RAP1A: variants seen among roughly 807,000 people sequenced by gnomAD.
The protein encoded by RAP1A is RAP1A, member of RAS oncogene family.
Under a neutral mutation model 26.4 loss-of-function variants are expected in RAP1A, and 6 were observed. The ratio of observed to expected loss-of-function variants is 0.23; its 90% confidence interval spans 0.12 to 0.45. The LOEUF (loss-of-function observed/expected upper bound fraction) is 0.45, where lower values mean the gene tolerates loss of function less well. Among genes scored for constraint, RAP1A ranks in the 20% least tolerant of loss-of-function variants. The probability of loss-of-function intolerance (pLI) is 0.99; values close to 1 mark genes in which losing one functional copy is unlikely to be tolerated. For missense variants in RAP1A, 121 were observed against 217.2 expected, an observed-to-expected ratio of 0.56 and a Z score of 2.78; for synonymous variants, 73 against 79.4, an observed-to-expected ratio of 0.92 and a Z score of 0.43.
intron 1 of RAP1A, among the ~76,000 whole-genome samples, chr1:111,671,266 A>G (rs13376550): frequency 0.14 from 20,804 of 152,036 alleles, 2,085 homozygotes; most frequent in African/African-American, 0.29. Flanking sequence ...CCCAACTAAA[A>G]CATACTGTTG....
Position 111,691,321 on chromosome 1 carries a change from G to T in RAP1A, c.-27-13G>T, listed in dbSNP as rs1203151013. On this transcript the variant is annotated splice_polypyrimidine_tract_variant and intron_variant, in intron 1 of 7. Transcript: ENST00000369709. ...ATGTTTCTTAATCTTTGATTTTTTT[G>T]TTTGTTTTTCAGATCGTCAGTATTT... 2.6e-6 allele frequency: 4 copies of T among 1,562,958 alleles called. No individual in the cohort carries two copies. Among genetic ancestry groups the T allele is most frequent in the South Asian group, 2.2e-5 (2 of 88,922 alleles).
chr1:111,612,583 T>G (rs543172506), intron 1 of RAP1A, among the ~76,000 whole-genome samples: 5 of 152,298 alleles, frequency 3.3e-5, no homozygotes, highest in African/African-American at 1.2e-4. Context: ...GCTGAAAATA[T>G]AGAAACTGTT....
At chr1:111,690,776 C>T (rs1217919849) in intron 1 of RAP1A, among the ~76,000 whole-genome samples, 4 of 152,146 alleles carry the variant, frequency 2.6e-5, no homozygotes, top group African/African-American at 7.2e-5. Flanking sequence ...GGCCTTATGG[C>T]GTATATTGCT....
rs531160274 is a variant in RAP1A, at chr1:111,542,616, T to C, written c.-28+107T>C. 1.9e-4 allele frequency: 30 copies of C among 153,890 alleles called. No homozygotes were observed. The East Asian group carries it at 5.6e-3, about 28-fold the overall frequency. The allele number at this position is 153,890 out of a possible 1,614,324, so 9.5% of individuals were successfully genotyped here. A position where few individuals can be genotyped will look rare whatever the true frequency, so the allele number is the denominator to read the frequency against. On this transcript the variant is annotated intron_variant, in intron 1 of 7. Coordinates refer to the RAP1A transcript ENST00000356415. ...CTGTAAAGGGAGCATTTCTCTTATG[T>C]GCAAACTAACCATAGTGGACATGTT...
rs78207490 is a variant in RAP1A, at chr1:111,660,549, A to T, written c.-27-30785A>T. Reference sequence around the variant, plus strand: ...AAGTTAACCAATTCTTACTACCTGCACTGCTACTCCTTTGGTCAACATTCC... The same window carrying T: ...AAGTTAACCAATTCTTACTACCTGCTCTGCTACTCCTTTGGTCAACATTCC... On this transcript the variant is annotated intron_variant, in intron 1 of 7. Transcript: ENST00000369709. 7.0e-3 allele frequency among the ~76,000 whole-genome samples: 1,068 copies of T among 152,182 alleles called. 12 individuals are homozygous for T. The highest frequency in any genetic ancestry group is 0.023 in the African/African-American group (970 of 41,496).
At chr1:111,641,853 T>C (rs1156987208) in intron 1 of RAP1A, among the ~76,000 whole-genome samples, 2 of 152,348 alleles carry the variant, frequency 1.3e-5, no homozygotes, top group Admixed American at 6.5e-5. Flanking sequence ...ACCACACTGA[T>C]GCTAGAGCCA....
chr1:111,556,900 A>ATT (rs1657513043), intron 1 of RAP1A, among the ~76,000 whole-genome samples: 1 of 122,454 alleles, frequency 8.2e-6, no homozygotes, highest in African/African-American at 3.0e-5. Context: ...TACATTTTAC[A>ATT]TTATATATAT....
intron 1 of RAP1A, among the ~76,000 whole-genome samples, chr1:111,681,026 C>T (rs939256966): frequency 2.6e-5 from 4 of 152,178 alleles, no homozygotes; most frequent in Non-Finnish European, 4.4e-5. Flanking sequence ...GCAGACGGAT[C>T]GTGAGGTCAG....
intron 1 of RAP1A, among the ~76,000 whole-genome samples, chr1:111,568,116 C>T (rs1326715071): frequency 6.6e-6 from 1 of 152,210 alleles, no homozygotes; most frequent in Non-Finnish European, 1.5e-5. Context: ...TTCCTTCCTT[C>T]TCACACCTTA....
chr1:111,619,907 GA>G lies in RAP1A; in HGVS notation c.-54del. The G allele has an allele frequency of 2.5e-6, 1 of 398,580 alleles. No individual in the cohort carries two copies. The highest frequency in any genetic ancestry group is 6.3e-4 in the Middle Eastern group (1 of 1,594). 24.7% of individuals were successfully genotyped at this position (398,580 alleles called of 1,614,324 possible). ...GGAGGAGGAGGTGGAGGAGGTGGAG[GA>G]GGTGGAGGAGGCGCCGGACCGGGGG... On this transcript the variant is annotated 5_prime_UTR_variant, in exon 1 of 8. Coordinates refer to ENST00000369709, the MANE Select transcript of RAP1A (RefSeq NM_002884.4).
chr1:111,662,183 C>T (rs887936102), intron 1 of RAP1A, among the ~76,000 whole-genome samples: 5 of 152,000 alleles, frequency 3.3e-5, no homozygotes, highest in Admixed American at 6.6e-5. Flanking sequence ...ATCATGAGGT[C>T]AGGAGATTGA....
chr1:111,692,945 G>C (rs1214449626), intron 2 of RAP1A, among the ~76,000 whole-genome samples: 2 of 152,106 alleles, frequency 1.3e-5, no homozygotes, highest in Non-Finnish European at 2.9e-5. Context: ...GTGCCTTTTT[G>C]AATTTAGTCC....
intron 1 of RAP1A, among the ~76,000 whole-genome samples, chr1:111,602,627 A>C (rs1188616316): frequency 6.6e-6 from 1 of 152,180 alleles, no homozygotes; most frequent in African/African-American, 2.4e-5. Flanking sequence ...CTACTGCTCT[A>C]ACCTTTTCAA....
intron 1 of RAP1A, chr1:111,680,895 C>G (rs1457809334): frequency 6.6e-6 from 1 of 152,208 alleles, no homozygotes; most frequent in Non-Finnish European, 1.5e-5. Flanking sequence ...TCCAAAGGTC[C>G]TCAGCACAAA....
rs532432954 is a variant in RAP1A, at chr1:111,563,754, C to G, written c.-28+21245C>G. ...AAAGCATTGATTAAGTAGCTTGCCCCATATCATGAATAAATGTTCCAAAGT... is the reference window on the plus strand; with the variant it reads ...AAAGCATTGATTAAGTAGCTTGCCCGATATCATGAATAAATGTTCCAAAGT... On this transcript the variant is annotated intron_variant, in intron 1 of 7. Transcript: ENST00000356415. 7 of 875,142 alleles carry G rather than the reference C, an allele frequency of 8.0e-6. No individual in the cohort carries two copies. The South Asian group carries it at 1.0e-4, about 13-fold the overall frequency. The allele number at this position is 875,142 out of a possible 1,614,324, so 54.2% of individuals were successfully genotyped here. A position where few individuals can be genotyped will look rare whatever the true frequency, so the allele number is the denominator to read the frequency against.
At chr1:111,604,919 T>G (rs1164538242) in intron 1 of RAP1A, among the ~76,000 whole-genome samples, 1 of 152,224 alleles carries the variant, frequency 6.6e-6, no homozygotes, top group Non-Finnish European at 1.5e-5. Flanking sequence ...GATGTTAGAT[T>G]GCTTTGAGGT....
At chr1:111,710,782 A>G (rs1662360190) in intron 7 of RAP1A, among the ~76,000 whole-genome samples, 1 of 152,240 alleles carries the variant, frequency 6.6e-6, no homozygotes, top group South Asian at 2.1e-4. Flanking sequence ...TAGGAAAGAC[A>G]GCATCTGGCT....
rs1660179487 is a variant in RAP1A at position 111,649,240 on chromosome 1, C to T, written c.-28+29306C>T. 2 of 480,662 alleles carry T rather than the reference C, an allele frequency of 4.2e-6. 1 individual carries two copies. Among genetic ancestry groups the T allele is most frequent in the South Asian group, 3.3e-5 (2 of 61,174 alleles). 29.8% of individuals were successfully genotyped at this position (480,662 alleles called of 1,614,324 possible). A position where few individuals can be genotyped will look rare whatever the true frequency, so the allele number is the denominator to read the frequency against. On this transcript the variant is annotated intron_variant, in intron 1 of 7. Coordinates refer to ENST00000369709, the MANE Select transcript of RAP1A (RefSeq NM_002884.4). ...TGGGGTCCCTTCTTCTCCAGGTGCT[C>T]CTGGATTTTGCTCTCCAGCTTCCGG...
At chr1:111,555,378 A>T in intron 1 of RAP1A, among the ~76,000 whole-genome samples, 1 of 150,738 alleles carries the variant, frequency 6.6e-6, no homozygotes, top group South Asian at 2.1e-4. Flanking sequence ...AAAAAAAAAA[A>T]AAAAAAAAAA....
Sources: gnomAD v4.1 joint callset for allele counts (sites outside exome capture counted in the v4.1 genomes callset) on GRCh38, gnomAD v4.1.1 for gene constraint, MANE v1.5 for transcripts, NCBI Gene and HGNC (gene_info 2026-07-23, HGNC 2026-07-21) for gene names.